DNAH5: variants seen among roughly 807,000 people sequenced by gnomAD.
DNAH5 encodes the protein dynein axonemal heavy chain 5, also known as axonemal beta dynein heavy chain 5.
In DNAH5, 372 loss-of-function variants were observed where a neutral mutation model predicts 518.2. That is an observed-to-expected ratio of 0.72 (90% CI 0.66 to 0.78). DNAH5 has a LOEUF of 0.78. Ranked by LOEUF, DNAH5 falls within the 30% of genes least tolerant of loss-of-function variation. The pLI, the probability that DNAH5 is intolerant of heterozygous loss-of-function variation, is 0.00. For missense variants in DNAH5, 5,523 were observed against 5,687.0 expected, an observed-to-expected ratio of 0.97 and a Z score of 0.93; for synonymous variants, 2,039 against 2,025.9, an observed-to-expected ratio of 1.01 and a Z score of -0.17.
chr5:13,983,857 A>G (rs1782852139), intron 1 of DNAH5, among the ~76,000 whole-genome samples: 1 of 152,196 alleles, frequency 6.6e-6, no homozygotes, highest in Non-Finnish European at 1.5e-5. Context: ...TCACTCAGAC[A>G]ATTTTCAGAC....
chr5:13,915,667 C>T (rs1006424084), intron 9 of DNAH5, among the ~76,000 whole-genome samples: 7 of 152,074 alleles, frequency 4.6e-5, no homozygotes, highest in African/African-American at 1.7e-4. Flanking sequence ...CTTCCTACTG[C>T]GTTAGTATTC....
chr5:13,868,622 T>C (rs1318974673), intron 24 of DNAH5, among the ~76,000 whole-genome samples: 9 of 152,168 alleles, frequency 5.9e-5, no homozygotes, highest in African/African-American at 7.2e-5. Context: ...CTCCTCCCCA[T>C]AGAGGTGGAA....
chr5:13,917,210 G>C lies in DNAH5; in HGVS notation c.1022C>G (p.Ala341Gly). ...ATACAAGTATTTCACATTGTCCTTT[G>C]CTTCATTAGTTGCATCAGTGATTCG... is the stretch of plus-strand genomic sequence containing the variant. ...DIRITDATNE[A>G]KDNVKYLYTL... The change falls in exon 8 of 79, where the codon GCA (alanine) becomes GGA (glycine). Residue 341 changes from alanine to glycine, a missense_variant. Ala to Gly is a moderately conservative substitution (Grantham distance 60). Transcript: ENST00000265104. The C allele has an allele frequency of 6.2e-7, 1 of 1,613,974 alleles. No individual in the cohort carries two copies. Among genetic ancestry groups the C allele is most frequent in the Non-Finnish European group, 8.5e-7 (1 of 1,179,972 alleles).
At chr5:13,936,877 A>G (rs1206452722) in intron 1 of DNAH5, among the ~76,000 whole-genome samples, 1 of 152,120 alleles carries the variant, frequency 6.6e-6, no homozygotes, top group Non-Finnish European at 1.5e-5. Flanking sequence ...GGATGGGGCT[A>G]TTGGGTCTGA....
At chr5:13,824,763 A>G (rs1762678406) in intron 38 of DNAH5, among the ~76,000 whole-genome samples, 2 of 152,130 alleles carry the variant, frequency 1.3e-5, no homozygotes, top group Non-Finnish European at 2.9e-5. Flanking sequence ...CTTTTTCGTG[A>G]TAAGTAAGAA....
intron 1 of DNAH5, among the ~76,000 whole-genome samples, chr5:13,933,001 G>A (rs1207025793): frequency 6.6e-6 from 1 of 152,214 alleles, no homozygotes. Flanking sequence ...CCTGTGCAAT[G>A]TGAGGTTTTA....
At chr5:13,760,560 G>T (rs1751638855) in intron 60 of DNAH5, among the ~76,000 whole-genome samples, 1 of 152,070 alleles carries the variant, frequency 6.6e-6, no homozygotes, top group Admixed American at 6.6e-5. Context: ...TTTCCATAAA[G>T]TTTTCAAGGA....
chr5:13,741,299 A>G (rs946666853), intron 65 of DNAH5, among the ~76,000 whole-genome samples: 1 of 152,208 alleles, frequency 6.6e-6, no homozygotes, highest in African/African-American at 2.4e-5. Context: ...TGCTCTGAGC[A>G]CAGTGAATCA....
intron 30 of DNAH5, among the ~76,000 whole-genome samples, chr5:13,853,584 G>A (rs1388660505): frequency 2.0e-5 from 3 of 151,960 alleles, no homozygotes; most frequent in Non-Finnish European, 4.4e-5. Flanking sequence ...CAAGCTAAAG[G>A]AGCATGTTCT....
rs1247757066 is a variant in DNAH5, at chr5:13,920,479, C to T, written c.798+1G>A. Reference sequence around the variant, plus strand: ...ATTGATGTTTGGTTTCTCAAAATTACCTGTTCTGTCTGTTTGATCCATACT... The same window carrying T: ...ATTGATGTTTGGTTTCTCAAAATTATCTGTTCTGTCTGTTTGATCCATACT... On this transcript the variant is annotated splice_donor_variant, in intron 6 of 78. Coordinates refer to ENST00000265104, the MANE Select transcript of DNAH5 (RefSeq NM_001369.3). LOFTEE classifies it high-confidence loss of function. 6.2e-7 allele frequency: 1 copy of T among 1,614,110 alleles called. No individual in the cohort carries two copies. Among genetic ancestry groups the T allele is most frequent in the Admixed American group, 1.7e-5 (1 of 60,020 alleles).
At chr5:13,893,338 G>A (rs1419649651) in intron 16 of DNAH5, among the ~76,000 whole-genome samples, 1 of 152,108 alleles carries the variant, frequency 6.6e-6, no homozygotes, top group Admixed American at 6.6e-5. Context: ...AAGGTAATGG[G>A]CTTGAGGGGT....
chr5:13,971,629 T>A (rs746748020), intron 1 of DNAH5, among the ~76,000 whole-genome samples: 3 of 152,158 alleles, frequency 2.0e-5, no homozygotes, highest in Non-Finnish European at 4.4e-5. Flanking sequence ...ATGTGATCCA[T>A]CTTCAGGTCT....
At chr5:13,919,694 A>G (rs1777050858) in intron 6 of DNAH5, among the ~76,000 whole-genome samples, 1 of 152,128 alleles carries the variant, frequency 6.6e-6, no homozygotes, top group African/African-American at 2.4e-5. Context: ...TATTTGTTAT[A>G]TATGTAGAAT....
chr5:13,818,416 G>A (rs921430555), intron 41 of DNAH5, among the ~76,000 whole-genome samples: 1 of 152,268 alleles, frequency 6.6e-6, no homozygotes, highest in African/African-American at 2.4e-5. Context: ...GGCCAACACG[G>A]TGAAACCCCG....
At chr5:13,968,969 T>A (rs1781707909) in intron 1 of DNAH5, among the ~76,000 whole-genome samples, 1 of 152,156 alleles carries the variant, frequency 6.6e-6, no homozygotes, top group Non-Finnish European at 1.5e-5. Flanking sequence ...TGTTGGCAAT[T>A]TTTTTATTAC....
intron 55 of DNAH5, among the ~76,000 whole-genome samples, chr5:13,775,576 G>T (rs969891601): frequency 1.3e-5 from 2 of 152,110 alleles, no homozygotes; most frequent in Admixed American, 1.3e-4. Flanking sequence ...TCTCAGTACT[G>T]ATCCCACTAA....
At chr5:13,695,598 C>T (rs766947872) in intron 78 of DNAH5, among the ~76,000 whole-genome samples, 27 of 152,166 alleles carry the variant, frequency 1.8e-4, no homozygotes, top group Non-Finnish European at 1.8e-4. Flanking sequence ...TACCAGCTTT[C>T]CCTGTCAGTA....
chr5:13,929,732 C>G (rs929047091), intron 2 of DNAH5, among the ~76,000 whole-genome samples: 2 of 152,152 alleles, frequency 1.3e-5, no homozygotes, highest in African/African-American at 2.4e-5. Flanking sequence ...CAGATGCTTT[C>G]TTTAAACCTC....
chr5:13,727,046 GTGACATTTTTCTGGGGAAA>G (rs1171945475), intron 70 of DNAH5, among the ~76,000 whole-genome samples: 1 of 152,196 alleles, frequency 6.6e-6, no homozygotes, highest in African/African-American at 2.4e-5. Context: ...ATCTAGAGCT[GTGACATTTTTCTGGGGAAA>G]TGACTACGGT....
Sources: allele counts gnomAD v4.1 joint callset (sites outside exome capture counted in the v4.1 genomes callset), GRCh38; gene constraint gnomAD v4.1.1; transcripts MANE v1.5; gene names NCBI Gene and HGNC (gene_info 2026-07-23, HGNC 2026-07-21).